PAMR1: variants seen among roughly 807,000 people sequenced by gnomAD.
PAMR1 encodes the protein peptidase domain containing associated with muscle regeneration 1.
A neutral mutation model predicts 81.8 loss-of-function variants in PAMR1; 88 were observed. That is an observed-to-expected ratio of 1.08 (90% confidence interval 0.91 to 1.28). The LOEUF is 1.28. PAMR1 is among the 50% of genes most tolerant of loss of function. PAMR1 has a pLI of 0.00. For missense variants in PAMR1, 935 were observed against 919.7 expected, an observed-to-expected ratio of 1.02 and a Z score of -0.21; for synonymous variants, 336 against 345.3, an observed-to-expected ratio of 0.97 and a Z score of 0.30.
intron 1 of PAMR1, among the ~76,000 whole-genome samples, chr11:35,495,934 A>C (rs1226248060): frequency 6.6e-6 from 1 of 152,234 alleles, no homozygotes; most frequent in Non-Finnish European, 1.5e-5. Flanking sequence ...TCATTTTTCC[A>C]CAAATTAGTG....
intron 6 of PAMR1, among the ~76,000 whole-genome samples, chr11:35,445,277 C>T (rs1263898696): frequency 3.3e-5 from 5 of 152,168 alleles, no homozygotes; most frequent in East Asian, 1.9e-4. Flanking sequence ...AGGATCATGC[C>T]ATTCACAAAC....
intron 6 of PAMR1, among the ~76,000 whole-genome samples, chr11:35,465,055 G>A (rs1856732364): frequency 6.6e-6 from 1 of 152,224 alleles, no homozygotes; most frequent in East Asian, 1.9e-4. Flanking sequence ...CATACAGCAA[G>A]TGTCGTGTCT....
chr11:35,443,200 CTTTTTA>C (rs1368142698), intron 6 of PAMR1, among the ~76,000 whole-genome samples: 1 of 150,116 alleles, frequency 6.7e-6, no homozygotes, highest in Non-Finnish European at 1.5e-5. Flanking sequence ...TTCCTTCCTT[CTTTTTA>C]TTTTTATTTT....
intron 3 of PAMR1, among the ~76,000 whole-genome samples, chr11:35,486,685 A>G (rs1371316471): frequency 6.6e-6 from 1 of 152,236 alleles, no homozygotes; most frequent in Admixed American, 6.5e-5. Flanking sequence ...AGTAGGTGCT[A>G]TTTAAAAAGA....
chr11:35,471,412 A>G (rs1170461978), intron 4 of PAMR1, among the ~76,000 whole-genome samples: 1 of 152,180 alleles, frequency 6.6e-6, no homozygotes, highest in Non-Finnish European at 1.5e-5. Context: ...GATATTGCCA[A>G]ATATACGACT....
At chr11:35,435,156 A>G (rs1293586668) in intron 9 of PAMR1, among the ~76,000 whole-genome samples, 2 of 152,196 alleles carry the variant, frequency 1.3e-5, no homozygotes, top group Admixed American at 6.5e-5. Context: ...AGGAGATTAA[A>G]TGAGATGGTA....
intron 1 of PAMR1, among the ~76,000 whole-genome samples, chr11:35,502,448 C>T (rs1850866061): frequency 6.6e-6 from 1 of 152,102 alleles, no homozygotes. Flanking sequence ...GTGGGTTATT[C>T]CCCTCCCTGT....
chr11:35,484,414 A>G (rs991074144), intron 3 of PAMR1, among the ~76,000 whole-genome samples: 1 of 152,224 alleles, frequency 6.6e-6, no homozygotes, highest in Non-Finnish European at 1.5e-5. Flanking sequence ...GAGCGAGATG[A>G]GGCAGCTTTC....
At chr11:35,468,714 C>G (rs1856800304) in intron 5 of PAMR1, among the ~76,000 whole-genome samples, 1 of 152,148 alleles carries the variant, frequency 6.6e-6, no homozygotes, top group African/African-American at 2.4e-5. Context: ...GTTCAATGCC[C>G]CAATATACAT....
At chr11:35,506,865 T>A (rs1162489918) in intron 1 of PAMR1, among the ~76,000 whole-genome samples, 1 of 119,540 alleles carries the variant, frequency 8.4e-6, no homozygotes, top group Non-Finnish European at 1.7e-5. Flanking sequence ...GTTTAGAAAG[T>A]TTTTTAGTTC....
chr11:35,442,849 C>T (rs186923845), intron 6 of PAMR1, among the ~76,000 whole-genome samples: 5 of 152,274 alleles, frequency 3.3e-5, no homozygotes, highest in Admixed American at 1.3e-4. Context: ...GCTGTCCTCC[C>T]ACCTTGGCCT....
chr11:35,442,858 C>T (rs1382211013), intron 6 of PAMR1, among the ~76,000 whole-genome samples: 1 of 152,176 alleles, frequency 6.6e-6, no homozygotes, highest in Non-Finnish European at 1.5e-5. Context: ...CCACCTTGGC[C>T]TCCCAAAGTG....
At chr11:35,464,449 A>T (rs576062287) in intron 6 of PAMR1, among the ~76,000 whole-genome samples, 2 of 152,324 alleles carry the variant, frequency 1.3e-5, no homozygotes, top group Admixed American at 6.5e-5. Context: ...TGAGCCAGAT[A>T]ACTGTTGTGG....
intron 6 of PAMR1, chr11:35,451,770 G>GC: frequency 1.8e-6 from 1 of 549,274 alleles, no homozygotes. Context: ...GTTCATGAGG[G>GC]TGGAGCCCTC....
chr11:35,485,281 G>A lies in PAMR1; in HGVS notation c.379+6764C>T, dbSNP rs72922997. ...AATTAAAATTCATGAGTCTTAAAGTGCAGAAAAAGAGAGAGAGAGCCAGAT... is the reference window on the plus strand; with the variant it reads ...AATTAAAATTCATGAGTCTTAAAGTACAGAAAAAGAGAGAGAGAGCCAGAT... On this transcript the variant is annotated intron_variant, in intron 3 of 10. Transcript: ENST00000619888. Among the ~76,000 whole-genome samples the A allele has an allele frequency of 3.4e-3, 524 of 152,244 alleles. 2 individuals are homozygous for A. The highest frequency in any genetic ancestry group is 5.7e-3 in the Non-Finnish European group (389 of 68,020).
At chr11:35,454,889 G>T (rs1449115153) in intron 6 of PAMR1, among the ~76,000 whole-genome samples, 1 of 152,176 alleles carries the variant, frequency 6.6e-6, no homozygotes, top group Non-Finnish European at 1.5e-5. Context: ...GAAAGAATTA[G>T]GTAGTCTAAG....
chr11:35,505,323 G>T (rs1208884501), intron 1 of PAMR1, among the ~76,000 whole-genome samples: 3 of 152,092 alleles, frequency 2.0e-5, no homozygotes, highest in Non-Finnish European at 4.4e-5. Flanking sequence ...TGTAGCAACT[G>T]GGTGAAATCT....
At chr11:35,504,876 A>C (rs1192608371) in intron 1 of PAMR1, among the ~76,000 whole-genome samples, 1 of 148,850 alleles carries the variant, frequency 6.7e-6, no homozygotes, top group Non-Finnish European at 1.5e-5. Context: ...TTCTGCTCTA[A>C]TCTTTATATT....
At position 35,435,975 on chromosome 11, in the gene PAMR1, G is replaced by A. The variant is rs182409377; in HGVS notation, c.1261C>T (p.Arg421Cys). The A allele has an allele frequency of 4.2e-5, 68 of 1,614,192 alleles. No homozygotes were observed. The highest frequency in any genetic ancestry group is 1.6e-4 in the Middle Eastern group (1 of 6,062). ...QYECISPFYR[R>C]LGSSRRTCLR... ...CATGTCCTCCTGCTGCTGCCCAGGC[G>A]GCGGTAGAAGGGTGAGATGCACTCA... Residue 421 changes from arginine to cysteine, a missense_variant, in exon 9 of 11, where the codon CGC (arginine) becomes TGC (cysteine). Physicochemically the swap from Arg to Cys is radical, Grantham distance 180. Coordinates refer to ENST00000619888, the MANE Select transcript of PAMR1 (RefSeq NM_001001991.3).
Sources: gnomAD v4.1 joint callset for allele counts (sites outside exome capture counted in the v4.1 genomes callset) on GRCh38, gnomAD v4.1.1 for gene constraint, MANE v1.5 for transcripts, NCBI Gene and HGNC (gene_info 2026-07-23, HGNC 2026-07-21) for gene names.